GPM6A: variants seen among roughly 807,000 people sequenced by gnomAD.
GPM6A encodes glycoprotein M6A, also known as neuronal membrane glycoprotein M6-a.
GPM6A carries 7 observed loss-of-function variants against 32.1 expected under a neutral mutation model. The observed-to-expected ratio is 0.22, with a 90% CI of 0.12 to 0.41. The LOEUF is 0.41. Among genes scored for constraint, GPM6A ranks in the 10% least tolerant of loss-of-function variants. The pLI is 1.00. For missense variants in GPM6A, 235 were observed against 347.2 expected, an observed-to-expected ratio of 0.68 and a Z score of 2.57; for synonymous variants, 130 against 123.4, an observed-to-expected ratio of 1.05 and a Z score of -0.35.
At position 175,634,738 on chromosome 4, in the gene GPM6A, A is replaced by G. The variant is rs1189011585; in HGVS notation, c.*167T>C. 1 of 516,050 alleles carries G rather than the reference A, an allele frequency of 1.9e-6. No homozygotes were observed. The allele number at this position is 516,050 out of a possible 1,614,324, so 32.0% of individuals were successfully genotyped here. ...ATTTACATCAATTTAATAAATTGGG[A>G]AATTTAAGTGCTAAACAACAAAGAA... On this transcript the variant is annotated 3_prime_UTR_variant, in exon 7 of 7. Transcript: ENST00000393658.
At chr4:175,846,513 G>A (rs1313094482) in intron 1 of GPM6A, among the ~76,000 whole-genome samples, 1 of 152,080 alleles carries the variant, frequency 6.6e-6, no homozygotes, top group Non-Finnish European at 1.5e-5. Flanking sequence ...AGCCTTTAAC[G>A]TGAGAGGCAC....
intron 1 of GPM6A, among the ~76,000 whole-genome samples, chr4:175,911,831 G>A (rs1738330427): frequency 6.6e-6 from 1 of 152,098 alleles, no homozygotes; most frequent in South Asian, 2.1e-4. Flanking sequence ...AGAAGAGTGA[G>A]TAAACTTTTC....
At chr4:175,701,795 CA>C in intron 1 of GPM6A, 28 bp from the exon 2 acceptor site, 1 of 1,509,622 alleles carries the variant, frequency 6.6e-7, no homozygotes, top group Non-Finnish European at 9.1e-7. Context: ...GGGAGAAATT[CA>C]TATTTTTGTT....
intron 1 of GPM6A, among the ~76,000 whole-genome samples, chr4:175,915,573 ATAAG>A (rs1168387206): frequency 1.3e-5 from 2 of 152,142 alleles, no homozygotes; most frequent in African/African-American, 2.4e-5. Flanking sequence ...CCAAAGTGCT[ATAAG>A]TCAATAAGAA....
chr4:175,831,758 C>G (rs182260740), intron 1 of GPM6A, among the ~76,000 whole-genome samples: 1 of 41,450 alleles, frequency 2.4e-5, no homozygotes, highest in East Asian at 7.8e-4. Context: ...TCACTTTTGT[C>G]GCCCAGGCTG....
At chr4:175,653,217 G>C (rs182575189) in intron 3 of GPM6A, among the ~76,000 whole-genome samples, 1 of 152,060 alleles carries the variant, frequency 6.6e-6, no homozygotes, top group Non-Finnish European at 1.5e-5. Context: ...GTTATATTGC[G>C]ATTAACATAG....
At chr4:175,737,780 G>C (rs1731721094) in intron 1 of GPM6A, among the ~76,000 whole-genome samples, 1 of 152,138 alleles carries the variant, frequency 6.6e-6, no homozygotes, top group Admixed American at 6.6e-5. Flanking sequence ...CATAAGGTAA[G>C]AGAAGGAACA....
At chr4:175,861,240 T>C (rs1736564168) in intron 1 of GPM6A, among the ~76,000 whole-genome samples, 1 of 150,198 alleles carries the variant, frequency 6.7e-6, no homozygotes, top group South Asian at 2.1e-4. Context: ...CAAATACATA[T>C]GAATTATAAA....
At chr4:175,998,783 TATTATCCCAGG>T (rs751941815) in intron 1 of GPM6A, among the ~76,000 whole-genome samples, 1 of 152,208 alleles carries the variant, frequency 6.6e-6, no homozygotes, top group Non-Finnish European at 1.5e-5. Flanking sequence ...GCATATATCA[TATTATCCCAGG>T]ATTACTGTGA....
At chr4:175,711,435 TATATATATATATATATATATATAC>T (rs1398232270) in intron 1 of GPM6A, among the ~76,000 whole-genome samples, 2,752 of 90,528 alleles carry the variant, frequency 0.03, 180 homozygotes, top group Non-Finnish European at 0.049. Context: ...TATATATATA[TATATATATATATATATATATATAC>T]ACACACATAC....
chr4:175,693,830 G>A (rs751401270), intron 2 of GPM6A, among the ~76,000 whole-genome samples: 24 of 152,056 alleles, frequency 1.6e-4, no homozygotes, highest in African/African-American at 5.1e-4. Context: ...TTGTAATCCC[G>A]AATGTCAGAG....
At chr4:175,752,420 T>C (rs1317213916) in intron 1 of GPM6A, among the ~76,000 whole-genome samples, 1 of 152,086 alleles carries the variant, frequency 6.6e-6, no homozygotes, top group Non-Finnish European at 1.5e-5. Flanking sequence ...TCCTTTCTAC[T>C]TGGAACTCTC....
intron 1 of GPM6A, among the ~76,000 whole-genome samples, chr4:175,719,470 T>G (rs2111111077): frequency 6.6e-6 from 1 of 152,280 alleles, no homozygotes; most frequent in African/African-American, 2.4e-5. Context: ...TCTCAAATAT[T>G]TCCTACATCA....
intron 6 of GPM6A, among the ~76,000 whole-genome samples, chr4:175,639,719 T>C (rs79356702): frequency 6.6e-6 from 1 of 152,060 alleles, no homozygotes; most frequent in South Asian, 2.1e-4. Flanking sequence ...CTGACATTTG[T>C]TTTTTTTAAT....
At chr4:175,725,536 C>G (rs1438471432) in intron 1 of GPM6A, among the ~76,000 whole-genome samples, 3 of 152,268 alleles carry the variant, frequency 2.0e-5, no homozygotes, top group South Asian at 2.1e-4. Context: ...AAGAGATCCT[C>G]CCATCTCAGC....
At chr4:175,765,681 T>C (rs940331708) in intron 1 of GPM6A, among the ~76,000 whole-genome samples, 4 of 152,200 alleles carry the variant, frequency 2.6e-5, no homozygotes, top group African/African-American at 9.6e-5. Context: ...TTCAAATCTT[T>C]TAGAGACTTC....
chr4:175,876,308 T>C (rs1198896717), intron 1 of GPM6A, among the ~76,000 whole-genome samples: 1 of 152,152 alleles, frequency 6.6e-6, no homozygotes, highest in African/African-American at 2.4e-5. Context: ...CAGACTGTGC[T>C]AGAGGAGTAA....
intron 1 of GPM6A, among the ~76,000 whole-genome samples, chr4:175,983,682 C>T (rs1291640602): frequency 6.6e-6 from 1 of 152,080 alleles, no homozygotes; most frequent in Non-Finnish European, 1.5e-5. Context: ...TTTCAATTTG[C>T]TTAAAATTTC....
At chr4:175,723,857 T>G (rs1746267802) in intron 1 of GPM6A, among the ~76,000 whole-genome samples, 1 of 152,152 alleles carries the variant, frequency 6.6e-6, no homozygotes, top group South Asian at 2.1e-4. Context: ...TTTAAAAATT[T>G]TATTAAAAAT....
Sources: gnomAD v4.1 joint callset for allele counts (sites outside exome capture counted in the v4.1 genomes callset) on GRCh38, gnomAD v4.1.1 for gene constraint, MANE v1.5 for transcripts, NCBI Gene and HGNC (gene_info 2026-07-23, HGNC 2026-07-21) for gene names.